SERGEF: variants seen among roughly 807,000 people sequenced by gnomAD.
SERGEF encodes the protein secretion regulating guanine nucleotide exchange factor.
Under a neutral mutation model 50.0 loss-of-function variants are expected in SERGEF, and 51 were observed. That is an observed-to-expected ratio of 1.02 (90% CI 0.81 to 1.29). SERGEF has a LOEUF of 1.29. Ranked by LOEUF, SERGEF falls within the 50% of genes most tolerant of loss-of-function variation. SERGEF has a pLI of 0.00. For missense variants in SERGEF, 521 were observed against 557.0 expected (o/e 0.94, Z 0.65); for synonymous variants, 205 against 212.4 (o/e 0.97, Z 0.30).
intron 1 of SERGEF, among the ~76,000 whole-genome samples, chr11:18,009,257 C>T (rs1177060390): frequency 1.3e-5 from 2 of 152,076 alleles, no homozygotes; most frequent in Non-Finnish European, 2.9e-5. Flanking sequence ...TAGATGGAGG[C>T]CCCATCCTCA....
chr11:17,828,977 T>A (rs1036346825), intron 10 of SERGEF, among the ~76,000 whole-genome samples: 1 of 152,214 alleles, frequency 6.6e-6, no homozygotes, highest in Non-Finnish European at 1.5e-5. Context: ...CCCCGTTAAC[T>A]CTTCTAGTCC....
chr11:17,926,662 G>A (rs1383942530), intron 9 of SERGEF: 1 of 436,570 alleles, frequency 2.3e-6, no homozygotes, highest in Non-Finnish European at 4.6e-6. Context: ...GGTTCAGCAA[G>A]TGTGACCCTG....
chr11:17,967,532 C>G (rs1485741253), intron 8 of SERGEF, among the ~76,000 whole-genome samples: 2 of 152,168 alleles, frequency 1.3e-5, no homozygotes, highest in Non-Finnish European at 2.9e-5. Flanking sequence ...TATTAGCTAC[C>G]AAATCGGGGG....
intron 1 of SERGEF, 93 bp downstream of exon 1, chr11:18,012,858 G>A: frequency 1.4e-6 from 2 of 1,431,010 alleles, no homozygotes; most frequent in Non-Finnish European, 1.8e-6. Context: ...GACCTCAGCC[G>A]CCCAGCCCCT....
intron 10 of SERGEF, among the ~76,000 whole-genome samples, chr11:17,848,743 T>A (rs1028162796): frequency 6.6e-6 from 1 of 152,170 alleles, no homozygotes; most frequent in Non-Finnish European, 1.5e-5. Flanking sequence ...AACCATAAAG[T>A]TTTTTTCCAT....
In SERGEF at chr11:17,910,639, C is replaced by CTCAT. The variant is rs1358417914; in HGVS notation, c.1012-32399_1012-32396dup. 2.5e-4 allele frequency among the ~76,000 whole-genome samples: 38 copies of CTCAT among 152,254 alleles called. 1 individual carries two copies. The South Asian group carries it at 6.6e-3, about 27-fold the overall frequency. ...TATTTTGCAAATCATACACCATTCACTCATTCATTCATTCATTCTACTTTT... is the reference window on the plus strand; with the variant it reads ...TATTTTGCAAATCATACACCATTCACTCATTCATTCATTCATTCATTCTACTTTT... On this transcript the variant is annotated intron_variant, in intron 9 of 10. Transcript: ENST00000265965.
At chr11:17,943,984 G>A (rs893589935) in intron 9 of SERGEF, among the ~76,000 whole-genome samples, 2 of 152,192 alleles carry the variant, frequency 1.3e-5, no homozygotes, top group African/African-American at 4.8e-5. Flanking sequence ...CTAGAGTGCA[G>A]TGGTGCGATC....
chr11:17,806,689 G>A lies in SERGEF; in HGVS notation c.1049-18276C>T, dbSNP rs566019654. 1.8e-4 allele frequency among the ~76,000 whole-genome samples: 27 copies of A among 152,290 alleles called. No homozygotes were observed. The Middle Eastern group carries it at 0.01, about 58-fold the overall frequency. ...TATCACAAACAACTGTGACCCAAAA[G>A]AGAAAGGGAGAAGTGCCCACTTGAA... On this transcript the variant is annotated intron_variant, in intron 10 of 10. Transcript: ENST00000265965.
At chr11:17,931,390 C>CT (rs1852349777) in intron 9 of SERGEF, among the ~76,000 whole-genome samples, 1 of 152,152 alleles carries the variant, frequency 6.6e-6, no homozygotes, top group Non-Finnish European at 1.5e-5. Context: ...AACCCAGAAC[C>CT]TTTTTCTTAC....
chr11:18,001,232 T>C (rs1333938303), intron 4 of SERGEF, among the ~76,000 whole-genome samples: 1 of 152,206 alleles, frequency 6.6e-6, no homozygotes, highest in African/African-American at 2.4e-5. Flanking sequence ...CATCTTGTAG[T>C]GGTTTTAAAA....
At chr11:17,923,357 G>A (rs962135730) in intron 9 of SERGEF, among the ~76,000 whole-genome samples, 8 of 152,196 alleles carry the variant, frequency 5.3e-5, no homozygotes, top group Admixed American at 4.6e-4. Flanking sequence ...AGAGGGACTC[G>A]GTGCCAGAGG....
rs1852014896 is a variant in SERGEF, at chr11:17,914,644, T to C, written c.1012-36400A>G. Reference sequence around the variant, plus strand: ...AAAGAGTGAGAGAAACTCAAGGTATTTCTAATATGCAACCATAGTTAAAAA... The same window carrying C: ...AAAGAGTGAGAGAAACTCAAGGTATCTCTAATATGCAACCATAGTTAAAAA... On this transcript the variant is annotated intron_variant, in intron 9 of 10. Coordinates refer to ENST00000265965, the MANE Select transcript of SERGEF (RefSeq NM_012139.4). Among the ~76,000 whole-genome samples the C allele has an allele frequency of 1.3e-5, 2 of 152,324 alleles. 1 individual carries two copies. Among genetic ancestry groups the C allele is most frequent in the Middle Eastern group, 6.8e-3 (2 of 294 alleles).
chr11:17,990,914 G>A (rs886404572), intron 7 of SERGEF, among the ~76,000 whole-genome samples: 14 of 152,084 alleles, frequency 9.2e-5, no homozygotes, highest in Admixed American at 3.3e-4. Flanking sequence ...TTACAGGCAC[G>A]TGCCACCACA....
At chr11:17,945,034 T>C (rs1852632212) in intron 9 of SERGEF, among the ~76,000 whole-genome samples, 1 of 152,184 alleles carries the variant, frequency 6.6e-6, no homozygotes, top group East Asian at 1.9e-4. Context: ...AAGATATAAG[T>C]TTCCAGTCCT....
In SERGEF at chr11:17,948,086, G is replaced by A. The variant is rs763186108; in HGVS notation, c.1011+11384C>T. On this transcript the variant is annotated intron_variant, in intron 9 of 10. Transcript: ENST00000265965. ...GAGGCTAGGACTACAGGTACACATC[G>A]CCATGCCTAATGTTTGTGTTTTTTG... is the stretch of plus-strand genomic sequence containing the variant. Among the ~76,000 whole-genome samples, 5 of 151,324 alleles carry A rather than the reference G, an allele frequency of 3.3e-5. No homozygotes were observed. In the South Asian group the frequency reaches 6.3e-4, roughly 19 times the overall value.
At chr11:17,945,978 CA>C (rs1389627893) in intron 9 of SERGEF, among the ~76,000 whole-genome samples, 2 of 151,660 alleles carry the variant, frequency 1.3e-5, no homozygotes, top group Non-Finnish European at 2.9e-5. Flanking sequence ...AACTCCACCT[CA>C]AAAAAACAAA....
chr11:17,845,692 T>C (rs1025061183), intron 10 of SERGEF, among the ~76,000 whole-genome samples: 12 of 152,222 alleles, frequency 7.9e-5, no homozygotes, highest in Admixed American at 5.9e-4. Flanking sequence ...CTAAGACTGA[T>C]ACTGTGACTC....
chr11:17,903,465 T>C (rs1447576235), intron 9 of SERGEF, among the ~76,000 whole-genome samples: 2 of 152,242 alleles, frequency 1.3e-5, no homozygotes, highest in African/African-American at 2.4e-5. Flanking sequence ...AGAAGATAGA[T>C]ATTTCCTTTT....
chr11:18,002,487 G>A (rs1044711479), intron 4 of SERGEF, among the ~76,000 whole-genome samples: 3 of 151,944 alleles, frequency 2.0e-5, no homozygotes, highest in East Asian at 1.9e-4. Context: ...GTTTCATTCC[G>A]TTGCACCTTT....
Sources: gnomAD v4.1 joint callset for allele counts (sites outside exome capture counted in the v4.1 genomes callset) on GRCh38, gnomAD v4.1.1 for gene constraint, MANE v1.5 for transcripts, NCBI Gene and HGNC (gene_info 2026-07-23, HGNC 2026-07-21) for gene names.